The following GALNTL6 variants were observed in gnomAD, a reference collection of about 807,000 sequenced individuals.
GALNTL6 encodes the protein polypeptide N-acetylgalactosaminyltransferase like 6.
GALNTL6 carries 46 observed loss-of-function variants against 73.7 expected under a neutral mutation model. That is an observed-to-expected ratio of 0.62 (90% CI 0.49 to 0.80). The LOEUF is 0.80. Ranked by LOEUF, GALNTL6 falls within the 30% of genes least tolerant of loss-of-function variation. GALNTL6 has a pLI of 0.00. For missense variants in GALNTL6, 604 were observed against 755.0 expected, an observed-to-expected ratio of 0.80 and a Z score of 2.34; for synonymous variants, 259 against 263.7, an observed-to-expected ratio of 0.98 and a Z score of 0.17.
chr4:172,092,315 TCAAA>T lies in GALNTL6; in HGVS notation c.139-137336_139-137333del, dbSNP rs1305161615. ...AAGGCATATCAAAATTTTAAGAATCTCAAACAAATTTGGAACACATATTAATAAA... is the reference window on the plus strand; with the variant it reads ...AAGGCATATCAAAATTTTAAGAATCTCAAATTTGGAACACATATTAATAAA... On this transcript the variant is annotated intron_variant, in intron 2 of 12. Coordinates refer to ENST00000506823, the MANE Select transcript of GALNTL6 (RefSeq NM_001034845.3). Among the ~76,000 whole-genome samples, 4 of 152,208 alleles carry T rather than the reference TCAAA, an allele frequency of 2.6e-5. No homozygotes were observed. The South Asian group carries it at 8.3e-4, about 32-fold the overall frequency.
intron 2 of GALNTL6, among the ~76,000 whole-genome samples, chr4:171,967,749 T>C (rs1023052031): frequency 1.3e-5 from 2 of 152,070 alleles, no homozygotes; most frequent in Non-Finnish European, 2.9e-5. Flanking sequence ...CCTATTTGAA[T>C]TTTTTTCCCC....
At chr4:171,836,964 AAC>A (rs1487771673) in intron 2 of GALNTL6, among the ~76,000 whole-genome samples, 9 of 152,160 alleles carry the variant, frequency 5.9e-5, no homozygotes, top group South Asian at 2.1e-4. Flanking sequence ...TACAAATATA[AAC>A]ACAAAATGAA....
At chr4:172,875,682 G>C (rs1158689503) in intron 7 of GALNTL6, among the ~76,000 whole-genome samples, 1 of 150,546 alleles carries the variant, frequency 6.6e-6, no homozygotes, top group Non-Finnish European at 1.5e-5. Flanking sequence ...ATGACGAAGG[G>C]AATTTTGGAA....
At chr4:172,521,770 G>A (rs1354864969) in intron 5 of GALNTL6, among the ~76,000 whole-genome samples, 1 of 152,138 alleles carries the variant, frequency 6.6e-6, no homozygotes, top group Non-Finnish European at 1.5e-5. Context: ...CAGAGAAATG[G>A]CAGCTAAGCA....
intron 2 of GALNTL6, among the ~76,000 whole-genome samples, chr4:171,853,244 A>G (rs1387871298): frequency 6.6e-6 from 1 of 151,810 alleles, no homozygotes; most frequent in Non-Finnish European, 1.5e-5. Flanking sequence ...CTTCCCAGAG[A>G]ATAATTTGAA....
intron 5 of GALNTL6, among the ~76,000 whole-genome samples, chr4:172,546,027 T>C (rs1372977894): frequency 6.6e-6 from 1 of 152,214 alleles, no homozygotes; most frequent in Non-Finnish European, 1.5e-5. Context: ...ATGTTTTAAA[T>C]ACATGTGTAT....
At chr4:171,923,483 A>C (rs1737860591) in intron 2 of GALNTL6, among the ~76,000 whole-genome samples, 1 of 147,076 alleles carries the variant, frequency 6.8e-6, no homozygotes, top group Admixed American at 6.9e-5. Flanking sequence ...CTGCAAGCTC[A>C]GCCTCCTGGG....
Position 172,686,058 on chromosome 4 carries a change from A to G in GALNTL6, c.554-123303A>G, listed in dbSNP as rs1238980749. Among the ~76,000 whole-genome samples, 3 of 152,222 alleles carry G rather than the reference A, an allele frequency of 2.0e-5. No individual in the cohort carries two copies. The East Asian group carries it at 5.8e-4, about 29-fold the overall frequency. ...ATTAAATATTCAAAATAATTAGACC[A>G]CTATATTTTTTTAAAAATAAGCCCT... On this transcript the variant is annotated intron_variant, in intron 5 of 12. Transcript: ENST00000506823.
At chr4:171,828,105 G>A (rs506762) in intron 2 of GALNTL6, among the ~76,000 whole-genome samples, 103,016 of 151,700 alleles carry the variant, frequency 0.68, 36,862 homozygotes, top group East Asian at 0.83. Context: ...TCACAATCAA[G>A]AGAAATGTAA....
intron 10 of GALNTL6, among the ~76,000 whole-genome samples, chr4:172,979,526 G>A (rs1561067740): frequency 2.0e-5 from 3 of 152,346 alleles, no homozygotes; most frequent in East Asian, 3.9e-4. Context: ...GTGAAACTGA[G>A]TAGAGCAATG....
intron 3 of GALNTL6, among the ~76,000 whole-genome samples, chr4:172,257,895 G>A (rs76937204): frequency 2.8e-4 from 43 of 151,210 alleles, no homozygotes; most frequent in East Asian, 1.9e-3. Flanking sequence ...CATGCCTAAC[G>A]TAAGGTATCT....
At chr4:173,007,475 C>T (rs1752352285) in intron 10 of GALNTL6, among the ~76,000 whole-genome samples, 1 of 152,176 alleles carries the variant, frequency 6.6e-6, no homozygotes, top group Admixed American at 6.5e-5. Flanking sequence ...GTGCTTCTGA[C>T]ACTATCAGGA....
intron 7 of GALNTL6, among the ~76,000 whole-genome samples, chr4:172,871,723 A>T (rs1744949933): frequency 2.0e-5 from 3 of 151,672 alleles, no homozygotes; most frequent in Admixed American, 2.0e-4. Flanking sequence ...TTTCTCAATG[A>T]TCAGTTTGGA....
intron 5 of GALNTL6, among the ~76,000 whole-genome samples, chr4:172,587,848 A>G (rs994937017): frequency 2.6e-5 from 4 of 152,192 alleles, no homozygotes; most frequent in African/African-American, 9.6e-5. Context: ...ATATTCACAC[A>G]TGAGCTGTGC....
rs570584034 is a variant in GALNTL6 at position 172,816,950 on chromosome 4, T to C, written c.923+3227T>C. On this transcript the variant is annotated intron_variant, in intron 7 of 12. Coordinates refer to ENST00000506823, the MANE Select transcript of GALNTL6 (RefSeq NM_001034845.3). ...AGTGAAACCCCGCCTTTACTAAAAA[T>C]ACAACAATTAGCCGGGCATGGTGGT... Among the ~76,000 whole-genome samples the C allele has an allele frequency of 2.0e-5, 3 of 151,772 alleles. No individual in the cohort carries two copies. The South Asian group carries it at 6.2e-4, about 32-fold the overall frequency.
At chr4:172,141,449 A>G (rs1733795196) in intron 2 of GALNTL6, among the ~76,000 whole-genome samples, 1 of 152,046 alleles carries the variant, frequency 6.6e-6, no homozygotes, top group Non-Finnish European at 1.5e-5. Context: ...ATTCAGACAA[A>G]AGTTTAGTTT....
intron 12 of GALNTL6, among the ~76,000 whole-genome samples, chr4:173,036,783 T>G (rs1753713851): frequency 6.6e-6 from 1 of 152,068 alleles, no homozygotes; most frequent in Non-Finnish European, 1.5e-5. Flanking sequence ...TATCGTCCTT[T>G]AGGGAGGGTT....
chr4:172,864,182 C>T (rs889315296), intron 7 of GALNTL6, among the ~76,000 whole-genome samples: 11 of 152,290 alleles, frequency 7.2e-5, no homozygotes, highest in African/African-American at 2.4e-4. Flanking sequence ...CTATTAGCAG[C>T]ATGAGAACAG....
chr4:171,924,765 TC>T (rs1303694772), intron 2 of GALNTL6, among the ~76,000 whole-genome samples: 7 of 152,104 alleles, frequency 4.6e-5, no homozygotes, highest in African/African-American at 1.4e-4. Flanking sequence ...CTCTACAGAC[TC>T]TGGTTAATTG....
Sources: allele counts gnomAD v4.1 joint callset (sites outside exome capture counted in the v4.1 genomes callset), GRCh38; gene constraint gnomAD v4.1.1; transcripts MANE v1.5; gene names NCBI Gene and HGNC (gene_info 2026-07-23, HGNC 2026-07-21).